SLC41A3: variants seen among roughly 807,000 people sequenced by gnomAD.
The protein encoded by SLC41A3 is solute carrier family 41 member 3.
SLC41A3 carries 44 observed loss-of-function variants against 45.4 expected under a neutral mutation model. The ratio of observed to expected loss-of-function variants is 0.97; its 90% confidence interval spans 0.76 to 1.25. The LOEUF (loss-of-function observed/expected upper bound fraction) is 1.25, where lower values mean the gene tolerates loss of function less well. Among genes scored for constraint, SLC41A3 ranks in the 50% most tolerant of loss-of-function variants. SLC41A3 has a pLI of 0.00. For missense variants in SLC41A3, 550 were observed against 600.6 expected, an observed-to-expected ratio of 0.92 and a Z score of 0.88; for synonymous variants, 256 against 252.4, an observed-to-expected ratio of 1.01 and a Z score of -0.13.
At chr3:126,081,365 G>T (rs1201129208) in intron 1 of SLC41A3, among the ~76,000 whole-genome samples, 1 of 152,106 alleles carries the variant, frequency 6.6e-6, no homozygotes, top group African/African-American at 2.4e-5. Flanking sequence ...CGGGACAGGG[G>T]GAAAAAGGGA....
intron 8 of SLC41A3, among the ~76,000 whole-genome samples, chr3:126,014,061 G>C (rs373398222): frequency 1.3e-5 from 2 of 152,096 alleles, no homozygotes; most frequent in Admixed American, 1.3e-4. Context: ...GGGCAGATGC[G>C]GGGGCGGGCT....
intron 5 of SLC41A3, chr3:126,025,375 G>A: frequency 6.6e-6 from 1 of 152,368 alleles, no homozygotes. Context: ...GGGAACTACT[G>A]GGTCCCCACT....
At chr3:126,050,903 T>A (rs1943286245) in intron 3 of SLC41A3, 40 bp downstream of exon 3, 1 of 1,589,132 alleles carries the variant, frequency 6.3e-7, no homozygotes, top group African/African-American at 1.3e-5. Flanking sequence ...CGCGCCTGCC[T>A]CACGTTGTGG....
upstream of SLC41A3, among the ~76,000 whole-genome samples, chr3:126,086,794 A>C (rs1169173913): frequency 6.6e-6 from 1 of 152,112 alleles, no homozygotes; most frequent in Non-Finnish European, 1.5e-5. Context: ...ACAAATACAT[A>C]AGATGTACTT....
intron 9 of SLC41A3, among the ~76,000 whole-genome samples, chr3:126,009,961 G>A (rs781239951): frequency 2.6e-5 from 4 of 152,182 alleles, no homozygotes; most frequent in Admixed American, 6.5e-5. Flanking sequence ...GACACACTTC[G>A]TCCTATTTCT....
intron 1 of SLC41A3, among the ~76,000 whole-genome samples, chr3:126,099,014 GCCTCAGCCT>G (rs1185603476): frequency 1.4e-5 from 2 of 138,504 alleles, no homozygotes; most frequent in Non-Finnish European, 3.0e-5. Context: ...TGATCCACCC[GCCTCAGCCT>G]CCCAAAGTGC....
chr3:126,091,145 G>T (rs1945481856), intron 1 of SLC41A3, among the ~76,000 whole-genome samples: 1 of 152,168 alleles, frequency 6.6e-6, no homozygotes, highest in Non-Finnish European at 1.5e-5. Context: ...CTCTATGAAG[G>T]TACATTTGTC....
rs373399652 is a variant in SLC41A3, at chr3:126,006,968, T to A, written c.*48A>T. The A allele has an allele frequency of 8.1e-6, 13 of 1,612,482 alleles. No homozygotes were observed. The highest frequency in any genetic ancestry group is 1.0e-5 in the Non-Finnish European group (12 of 1,179,048). On this transcript the variant is annotated 3_prime_UTR_variant, in exon 11 of 11. Coordinates refer to ENST00000360370, the MANE Select transcript of SLC41A3 (RefSeq NM_017836.4). ...GGAGAAACTGAATTCTGTATCCCAC[T>A]GATGTGAGAGGAAATTCTAATGAGC...
At chr3:126,019,263 C>A (rs1289215262) in intron 6 of SLC41A3, among the ~76,000 whole-genome samples, 1 of 152,092 alleles carries the variant, frequency 6.6e-6, no homozygotes, top group South Asian at 2.1e-4. Context: ...TCCAATTAAG[C>A]CATTAATCTA....
chr3:126,007,498 G>A (rs1439682545), intron 10 of SLC41A3, among the ~76,000 whole-genome samples: 1 of 152,208 alleles, frequency 6.6e-6, no homozygotes, highest in Admixed American at 6.5e-5. Context: ...CCACTCACCA[G>A]CTGGGGCTCT....
chr3:126,032,553 T>A (rs1030844534), intron 4 of SLC41A3, among the ~76,000 whole-genome samples: 7 of 152,188 alleles, frequency 4.6e-5, no homozygotes, highest in Admixed American at 2.0e-4. Context: ...TAAGGTGAAG[T>A]GACTTGCCTG....
At chr3:126,021,116 G>T (rs553378947) in intron 6 of SLC41A3, among the ~76,000 whole-genome samples, 1 of 152,150 alleles carries the variant, frequency 6.6e-6, no homozygotes, top group Non-Finnish European at 1.5e-5. Flanking sequence ...GGATGGTCTT[G>T]ATCTCCTGAC....
chr3:126,094,038 G>A (rs1559901477), intron 1 of SLC41A3, among the ~76,000 whole-genome samples: 2 of 152,142 alleles, frequency 1.3e-5, no homozygotes, highest in South Asian at 4.1e-4. Flanking sequence ...GGGCCTGATG[G>A]ACAACCTGGG....
Position 126,016,482 on chromosome 3 carries a change from G to A in SLC41A3, c.890+249C>T, listed in dbSNP as rs1224575284. ...CCGGCCCCAGCTTTGGCTCTTCCTG[G>A]GTCCCTGGTGCTCTGGCAAATGTAA... On this transcript the variant is annotated intron_variant, in intron 7 of 10. Transcript: ENST00000360370. Among the ~76,000 whole-genome samples the A allele has an allele frequency of 2.0e-5, 3 of 152,226 alleles. No homozygotes were observed. The East Asian group carries it at 5.8e-4, about 29-fold the overall frequency.
At chr3:126,037,780 T>C (rs1942308164) in intron 3 of SLC41A3, among the ~76,000 whole-genome samples, 1 of 152,210 alleles carries the variant, frequency 6.6e-6, no homozygotes, top group Non-Finnish European at 1.5e-5. Flanking sequence ...GCAACCACTT[T>C]CTAGAGAGAA....
chr3:126,009,379 C>T (rs571602336), intron 9 of SLC41A3, among the ~76,000 whole-genome samples: 2 of 152,172 alleles, frequency 1.3e-5, no homozygotes, highest in Admixed American at 1.3e-4. Context: ...AAGGGGACCT[C>T]GGGCAGCCCC....
chr3:126,043,765 CAAAAAGG>C (rs893087523), intron 3 of SLC41A3, among the ~76,000 whole-genome samples: 2 of 118,898 alleles, frequency 1.7e-5, no homozygotes, highest in African/African-American at 3.2e-5. Flanking sequence ...AAAATATAAA[CAAAAAGG>C]AACTAAGAAG....
chr3:126,037,979 C>T (rs1025992988), intron 3 of SLC41A3, among the ~76,000 whole-genome samples: 4 of 152,218 alleles, frequency 2.6e-5, no homozygotes, highest in African/African-American at 4.8e-5. Flanking sequence ...CCAGCTTCAG[C>T]CATGGCTCAA....
chr3:126,068,155 A>C lies in SLC41A3; in HGVS notation c.65T>G (p.Leu22Arg). Residue 22 changes from leucine to arginine, a missense_variant, in exon 2 of 11, where the codon CTT (leucine) becomes CGT (arginine). Leu to Arg is a moderately radical substitution (Grantham distance 102). Coordinates refer to ENST00000360370, the MANE Select transcript of SLC41A3 (RefSeq NM_017836.4). ...TCCTCCTGTGCTGAGGGGGTGAGGA[A>C]GCCCCAGCTCCCCTGGCTTGCCACA... is the stretch of plus-strand genomic sequence containing the variant. Reference protein sequence around the residue: ...DSCGKPGELGLPHPLSTGGLP... With the variant: ...DSCGKPGELGRPHPLSTGGLP... The C allele has an allele frequency of 6.2e-7, 1 of 1,600,722 alleles. No individual in the cohort carries two copies. Among genetic ancestry groups the C allele is most frequent in the South Asian group, 1.1e-5 (1 of 89,612 alleles).
Sources: gnomAD v4.1 joint callset for allele counts (sites outside exome capture counted in the v4.1 genomes callset) on GRCh38, gnomAD v4.1.1 for gene constraint, MANE v1.5 for transcripts, NCBI Gene and HGNC (gene_info 2026-07-23, HGNC 2026-07-21) for gene names.